Variants in ARID5B observed in about 807,000 individuals in gnomAD.
The protein encoded by ARID5B is AT-rich interaction domain 5B.
A neutral mutation model predicts 97.2 loss-of-function variants in ARID5B; 13 were observed. That is an observed-to-expected ratio of 0.13 (90% confidence interval 0.09 to 0.21). The LOEUF is 0.21. Ranked by LOEUF, ARID5B falls within the 10% of genes least tolerant of loss-of-function variation. ARID5B has a pLI of 1.00. For missense variants in ARID5B, 1,210 were observed against 1,465.3 expected (o/e 0.83, Z 2.84); for synonymous variants, 556 against 570.3 (o/e 0.97, Z 0.36).
At chr10:61,953,723 G>A (rs944326974) in intron 3 of ARID5B, among the ~76,000 whole-genome samples, 1 of 152,158 alleles carries the variant, frequency 6.6e-6, no homozygotes, top group South Asian at 2.1e-4. Flanking sequence ...ATAAATCAGC[G>A]TTAACAATAC....
At chr10:62,065,845 C>CAAA (rs60296263) in intron 7 of ARID5B, among the ~76,000 whole-genome samples, 5 of 88,666 alleles carry the variant, frequency 5.6e-5, no homozygotes, top group South Asian at 4.4e-4. Flanking sequence ...GACTCTGTCT[C>CAAA]AAAAAAAAAA....
intron 2 of ARID5B, among the ~76,000 whole-genome samples, chr10:61,912,826 C>T (rs146938368): frequency 6.6e-6 from 1 of 152,186 alleles, no homozygotes; most frequent in African/African-American, 2.4e-5. Context: ...AGTTACCCCC[C>T]AGTTGCTTGT....
intron 4 of ARID5B, among the ~76,000 whole-genome samples, chr10:62,036,450 G>T (rs1331064243): frequency 6.6e-6 from 1 of 152,148 alleles, no homozygotes; most frequent in East Asian, 1.9e-4. Context: ...TTTCCTGATG[G>T]CTTTGCAAGT....
At position 62,091,349 on chromosome 10, in the gene ARID5B, A is replaced by G; in HGVS notation, c.1886A>G (p.Lys629Arg). The change falls in exon 10 of 10, where the codon AAG becomes AGG. Residue 629 changes from lysine (K) to arginine (R), a missense_variant. By Grantham distance (26) the Lys-to-Arg change is conservative. This residue lies in a region of ARID5B where 800 missense variants were observed against 839.1 expected (regional missense o/e 0.95). Transcript: ENST00000279873. ...GATTACATTGCCAACTGCACCGTGA[A>G]GGTGGACCAGCTGGGCAGTGACGAC... is the stretch of plus-strand genomic sequence containing the variant. ...MADYIANCTV[K>R]VDQLGSDDIH... 6.2e-7 allele frequency: 1 copy of G among 1,614,204 alleles called. No individual in the cohort carries two copies. The highest frequency in any genetic ancestry group is 1.1e-5 in the South Asian group (1 of 91,088).
At chr10:61,985,806 A>G (rs1171667984) in intron 3 of ARID5B, among the ~76,000 whole-genome samples, 1 of 152,054 alleles carries the variant, frequency 6.6e-6, no homozygotes, top group Admixed American at 6.6e-5. Context: ...GAGAAATAAT[A>G]ATACCATTGT....
At chr10:62,048,353 A>G (rs560680130) in intron 4 of ARID5B, among the ~76,000 whole-genome samples, 67 of 152,340 alleles carry the variant, frequency 4.4e-4, no homozygotes, top group African/African-American at 1.6e-3. Flanking sequence ...GCCAAAAACC[A>G]CAGCTAAAGT....
chr10:61,916,808 C>T (rs1843914479), intron 2 of ARID5B, among the ~76,000 whole-genome samples: 1 of 152,186 alleles, frequency 6.6e-6, no homozygotes, highest in African/African-American at 2.4e-5. Flanking sequence ...ATCCGTCTTT[C>T]AAGGTCCCAT....
chr10:62,022,456 G>C (rs1339627453), intron 4 of ARID5B, among the ~76,000 whole-genome samples: 1 of 152,242 alleles, frequency 6.6e-6, no homozygotes, highest in East Asian at 1.9e-4. Context: ...TCGCAGGAAA[G>C]AGGAGCTGGC....
chr10:62,068,061 C>G (rs751823930), intron 7 of ARID5B, among the ~76,000 whole-genome samples: 4 of 152,004 alleles, frequency 2.6e-5, no homozygotes, highest in African/African-American at 7.3e-5. Flanking sequence ...CGTGTAGGCA[C>G]TTGGAGGTAT....
chr10:62,019,363 G>A (rs938744058), intron 4 of ARID5B, among the ~76,000 whole-genome samples: 12 of 152,036 alleles, frequency 7.9e-5, no homozygotes, highest in African/African-American at 2.4e-4. Flanking sequence ...TGGCAGCCTC[G>A]GGACTATGAA....
At chr10:62,069,275 G>A (rs960292795) in intron 7 of ARID5B, among the ~76,000 whole-genome samples, 1 of 152,110 alleles carries the variant, frequency 6.6e-6, no homozygotes, top group East Asian at 1.9e-4. Context: ...CTCTATACCC[G>A]GTTCCCCATT....
intron 2 of ARID5B, among the ~76,000 whole-genome samples, chr10:61,928,799 T>C (rs1011378790): frequency 6.6e-6 from 1 of 152,232 alleles, no homozygotes; most frequent in African/African-American, 2.4e-5. Context: ...CTTTCTTGGA[T>C]TCCGAGTGGC....
chr10:62,089,653 G>A (rs1032755333), intron 9 of ARID5B, among the ~76,000 whole-genome samples: 5 of 151,240 alleles, frequency 3.3e-5, no homozygotes, highest in Admixed American at 6.6e-5. Flanking sequence ...TCAGCCTCCT[G>A]AGTAGCTGGG....
chr10:61,919,040 C>A (rs1187631073), intron 2 of ARID5B, among the ~76,000 whole-genome samples: 1 of 64,662 alleles, frequency 1.5e-5, no homozygotes, highest in Non-Finnish European at 4.0e-5. Context: ...ACTCCGTCCC[C>A]CCCCCCCCCC....
intron 6 of ARID5B, among the ~76,000 whole-genome samples, chr10:62,057,982 G>T (rs565209209): frequency 7.5e-4 from 114 of 152,316 alleles, no homozygotes; most frequent in Non-Finnish European, 1.3e-3. Flanking sequence ...TTTTGCCTCT[G>T]TCTGGATTTA....
chr10:61,995,952 C>T (rs1350355631), intron 3 of ARID5B, among the ~76,000 whole-genome samples: 1 of 152,108 alleles, frequency 6.6e-6, no homozygotes, highest in Non-Finnish European at 1.5e-5. Context: ...ACGGGAGGTT[C>T]TGTTCATAAG....
At chr10:62,003,254 G>A (rs1049338555) in intron 4 of ARID5B, among the ~76,000 whole-genome samples, 7 of 152,148 alleles carry the variant, frequency 4.6e-5, no homozygotes, top group Admixed American at 6.5e-5. Context: ...CACCTGAAAG[G>A]TTAACTAATG....
chr10:62,018,504 G>A (rs1034779189), intron 4 of ARID5B, among the ~76,000 whole-genome samples: 2 of 151,328 alleles, frequency 1.3e-5, no homozygotes, highest in African/African-American at 4.9e-5. Context: ...TTATCTTTAC[G>A]TTTCCAAAGA....
intron 4 of ARID5B, among the ~76,000 whole-genome samples, chr10:62,026,200 C>A (rs1274527533): frequency 6.6e-6 from 1 of 152,228 alleles, no homozygotes. Context: ...CTGACCAGGG[C>A]AGAACTGCCA....
Sources: allele counts gnomAD v4.1 joint callset (sites outside exome capture counted in the v4.1 genomes callset), GRCh38; gene constraint gnomAD v4.1.1; regional missense constraint gnomAD v4.1.1; transcripts MANE v1.5; gene names NCBI Gene and HGNC (gene_info 2026-07-23, HGNC 2026-07-21).